NLGN1: variants seen among roughly 807,000 people sequenced by gnomAD.
The protein encoded by NLGN1 is neuroligin-1.
NLGN1 carries 12 observed loss-of-function variants against 65.5 expected under a neutral mutation model. The observed-to-expected ratio is 0.18, with a 90% CI of 0.12 to 0.30. The LOEUF (loss-of-function observed/expected upper bound fraction) is 0.30, where lower values mean the gene tolerates loss of function less well. Among genes scored for constraint, NLGN1 ranks in the 10% least tolerant of loss-of-function variants. NLGN1 has a pLI of 1.00. For synonymous variants in NLGN1, 350 were observed against 359.5 expected (o/e 0.97, Z 0.30); for missense variants, 750 against 1,007.1 (o/e 0.74, Z 3.46).
chr3:174,055,765 T>G (rs1735921640), intron 4 of NLGN1, among the ~76,000 whole-genome samples: 1 of 152,054 alleles, frequency 6.6e-6, no homozygotes, highest in African/African-American at 2.4e-5. Context: ...GTAAAACACT[T>G]AAAACAATGC....
intron 4 of NLGN1, among the ~76,000 whole-genome samples, chr3:174,013,645 A>T (rs1265309227): frequency 1.3e-5 from 2 of 152,188 alleles, no homozygotes; most frequent in Admixed American, 1.3e-4. Flanking sequence ...TAAACCAGAG[A>T]AAACATTAGA....
intron 3 of NLGN1, among the ~76,000 whole-genome samples, chr3:173,635,387 C>T (rs925234327): frequency 3.3e-5 from 5 of 152,190 alleles, no homozygotes; most frequent in East Asian, 1.9e-4. Flanking sequence ...CAAACAAATG[C>T]GAATTACTGT....
chr3:173,728,004 G>A (rs1450995093), intron 3 of NLGN1, among the ~76,000 whole-genome samples: 3 of 152,150 alleles, frequency 2.0e-5, no homozygotes, highest in South Asian at 4.2e-4. Context: ...TAAATAAATG[G>A]TGAATCATTG....
rs142108408 is a variant in NLGN1, at chr3:173,570,337, C to G, written c.-320-33942C>G. On this transcript the variant is annotated intron_variant, in intron 2 of 6. Transcript: ENST00000457714. Reference sequence around the variant, plus strand: ...ATTTGAAAAGCCACAAGTAGCGCAGCATGCTTAGAGAGGCAGTGTGTGGAA... The same window carrying G: ...ATTTGAAAAGCCACAAGTAGCGCAGGATGCTTAGAGAGGCAGTGTGTGGAA... 2.2e-3 allele frequency among the ~76,000 whole-genome samples: 342 copies of G among 152,280 alleles called. 2 individuals carry two copies. The highest frequency in any genetic ancestry group is 7.4e-3 in the African/African-American group (309 of 41,560).
At chr3:174,123,956 G>C (rs1160115730) in intron 4 of NLGN1, among the ~76,000 whole-genome samples, 3 of 152,100 alleles carry the variant, frequency 2.0e-5, no homozygotes, top group Admixed American at 6.6e-5. Flanking sequence ...GTATGTTGAA[G>C]CCCTAACCTC....
At chr3:174,292,827 C>T in the NLGN1 span, among the ~76,000 whole-genome samples, 1 of 151,312 alleles carries the variant, frequency 6.6e-6, no homozygotes, top group Non-Finnish European at 1.5e-5. Flanking sequence ...TAGATGTACA[C>T]AAGATTACCT....
chr3:174,000,855 G>A (rs1723143721), intron 4 of NLGN1, among the ~76,000 whole-genome samples: 1 of 152,164 alleles, frequency 6.6e-6, no homozygotes, highest in Non-Finnish European at 1.5e-5. Context: ...TGTCAGATTA[G>A]CAGTGGGCCA....
intron 2 of NLGN1, among the ~76,000 whole-genome samples, chr3:173,452,139 T>A (rs951642033): frequency 1.2e-4 from 19 of 152,112 alleles, no homozygotes; most frequent in Admixed American, 1.1e-3. Flanking sequence ...ATCACCCATC[T>A]TCTGCGTCAC....
At chr3:173,724,782 C>G (rs1048085094) in intron 3 of NLGN1, among the ~76,000 whole-genome samples, 1 of 152,128 alleles carries the variant, frequency 6.6e-6, no homozygotes, top group Non-Finnish European at 1.5e-5. Flanking sequence ...TGGAACCAAC[C>G]CAAATGTCCA....
intron 3 of NLGN1, among the ~76,000 whole-genome samples, chr3:173,791,370 C>G (rs1219193596): frequency 1.3e-5 from 2 of 152,052 alleles, no homozygotes; most frequent in Admixed American, 1.3e-4. Flanking sequence ...TTTAATTTTT[C>G]CAAGCTTTAA....
intron 1 of NLGN1, among the ~76,000 whole-genome samples, chr3:173,421,362 G>C (rs989864317): frequency 6.6e-6 from 1 of 151,674 alleles, no homozygotes; most frequent in African/African-American, 2.4e-5. Flanking sequence ...TACAAATAAG[G>C]ATATTCTCCT....
At chr3:173,489,582 TC>T (rs1728758105) in intron 2 of NLGN1, among the ~76,000 whole-genome samples, 2 of 152,180 alleles carry the variant, frequency 1.3e-5, no homozygotes, top group Admixed American at 1.3e-4. Flanking sequence ...TGATTTATAA[TC>T]CTTTGGGTAT....
intron 4 of NLGN1, among the ~76,000 whole-genome samples, chr3:173,923,484 A>G (rs1451639594): frequency 6.6e-6 from 1 of 152,094 alleles, no homozygotes; most frequent in African/African-American, 2.4e-5. Flanking sequence ...GGCACTTCAT[A>G]AAGAATGGTG....
chr3:174,041,503 G>A (rs1166869237), intron 4 of NLGN1, among the ~76,000 whole-genome samples: 1 of 152,208 alleles, frequency 6.6e-6, no homozygotes, highest in Non-Finnish European at 1.5e-5. Flanking sequence ...TGAATACCTA[G>A]GAATGGAATT....
At chr3:173,659,763 ATG>A (rs1760646369) in intron 3 of NLGN1, among the ~76,000 whole-genome samples, 1 of 144,852 alleles carries the variant, frequency 6.9e-6, no homozygotes, top group Non-Finnish European at 1.5e-5. Flanking sequence ...GTGCGTGTGT[ATG>A]TGTGTGTGTA....
At chr3:173,522,148 A>T (rs149155282) in intron 2 of NLGN1, among the ~76,000 whole-genome samples, 26 of 152,272 alleles carry the variant, frequency 1.7e-4, no homozygotes, top group African/African-American at 6.0e-4. Context: ...TTCCACTTCT[A>T]TGTCCATATG....
At chr3:173,783,176 A>AT (rs1219523635) in intron 3 of NLGN1, among the ~76,000 whole-genome samples, 1 of 152,118 alleles carries the variant, frequency 6.6e-6, no homozygotes, top group African/African-American at 2.4e-5. Flanking sequence ...GAGAAGCATG[A>AT]TTTTTTACTG....
chr3:174,082,479 A>G (rs1742429352), intron 4 of NLGN1, among the ~76,000 whole-genome samples: 1 of 152,000 alleles, frequency 6.6e-6, no homozygotes, highest in Non-Finnish European at 1.5e-5. Flanking sequence ...AATGCAAGCA[A>G]TTGGCAGCAT....
At chr3:173,987,257 T>G (rs919823716) in intron 4 of NLGN1, among the ~76,000 whole-genome samples, 1 of 152,166 alleles carries the variant, frequency 6.6e-6, no homozygotes, top group South Asian at 2.1e-4. Context: ...AAAATGGCAC[T>G]TGTAACAAAG....
Sources: gnomAD v4.1 joint callset for allele counts (sites outside exome capture counted in the v4.1 genomes callset) on GRCh38, gnomAD v4.1.1 for gene constraint, MANE v1.5 for transcripts, NCBI Gene and HGNC (gene_info 2026-07-23, HGNC 2026-07-21) for gene names.